The following GRIP1 variants were observed in gnomAD, a reference collection of about 807,000 sequenced individuals.
The protein encoded by GRIP1 is glutamate receptor interacting protein 1.
Under a neutral mutation model 129.9 loss-of-function variants are expected in GRIP1, and 45 were observed. The observed-to-expected ratio is 0.35, with a 90% CI of 0.27 to 0.44. The LOEUF (loss-of-function observed/expected upper bound fraction) is 0.44, where lower values mean the gene tolerates loss of function less well. GRIP1 is among the 20% of genes least tolerant of loss of function. GRIP1 has a pLI of 1.00. For synonymous variants in GRIP1, 530 were observed against 520.8 expected (o/e 1.02, Z -0.24); for missense variants, 1,196 against 1,396.8 (o/e 0.86, Z 2.29).
intron 1 of GRIP1, among the ~76,000 whole-genome samples, chr12:66,890,329 A>G (rs558477436): frequency 6.6e-6 from 1 of 152,304 alleles, no homozygotes; most frequent in Non-Finnish European, 1.5e-5. Flanking sequence ...TTGAACCACA[A>G]ACATATTTTA....
At chr12:66,786,944 C>T (rs1287808238) in intron 1 of GRIP1, among the ~76,000 whole-genome samples, 1 of 152,124 alleles carries the variant, frequency 6.6e-6, no homozygotes, top group Non-Finnish European at 1.5e-5. Flanking sequence ...CAGGTCTAAT[C>T]CTTTTGATAC....
chr12:66,583,080 C>G (rs967693454), intron 2 of GRIP1, among the ~76,000 whole-genome samples: 5 of 151,668 alleles, frequency 3.3e-5, no homozygotes, highest in African/African-American at 1.2e-4. Flanking sequence ...TGGAACAGAA[C>G]AGAGCCCTCA....
At chr12:66,529,615 A>C (rs2061376792) in intron 5 of GRIP1, among the ~76,000 whole-genome samples, 1 of 152,178 alleles carries the variant, frequency 6.6e-6, no homozygotes, top group Admixed American at 6.5e-5. Flanking sequence ...GAAAGATACA[A>C]GGGACTTTCA....
intron 1 of GRIP1, among the ~76,000 whole-genome samples, chr12:66,611,365 G>T (rs765878512): frequency 1.3e-5 from 2 of 152,082 alleles, no homozygotes; most frequent in African/African-American, 2.4e-5. Flanking sequence ...TGCCATTATT[G>T]TCAAATATCT....
At chr12:66,408,958 G>A (rs2057293820) in intron 15 of GRIP1, among the ~76,000 whole-genome samples, 1 of 152,048 alleles carries the variant, frequency 6.6e-6, no homozygotes, top group Non-Finnish European at 1.5e-5. Flanking sequence ...GGAAAGGATG[G>A]GAAGGACTTT....
chr12:66,430,344 A>G (rs768402399), intron 14 of GRIP1, among the ~76,000 whole-genome samples: 2 of 152,224 alleles, frequency 1.3e-5, no homozygotes, highest in Admixed American at 6.6e-5. Context: ...AGAACTGACA[A>G]GCATGTTTGA....
chr12:66,583,704 T>G (rs2063497650), intron 2 of GRIP1, among the ~76,000 whole-genome samples: 1 of 138,600 alleles, frequency 7.2e-6, no homozygotes, highest in Non-Finnish European at 1.6e-5. Context: ...AAAACCACAG[T>G]GATATACCAT....
Position 66,491,823 on chromosome 12 carries a change from C to T in GRIP1, c.724+23796G>A, listed in dbSNP as rs1233196959. On this transcript the variant is annotated intron_variant, in intron 7 of 24. Transcript: ENST00000359742. ...GCCACCAAGGCAAAAAATTATTTGC[C>T]CTACCTGTTAAAATGATTTAGTATA... 3.9e-5 allele frequency among the ~76,000 whole-genome samples: 6 copies of T among 152,188 alleles called. No individual in the cohort carries two copies. In the South Asian group the frequency reaches 1.0e-3, roughly 26 times the overall value.
At chr12:66,600,668 T>C (rs1365009799) in intron 1 of GRIP1, among the ~76,000 whole-genome samples, 1 of 152,226 alleles carries the variant, frequency 6.6e-6, no homozygotes, top group Non-Finnish European at 1.5e-5. Context: ...TATCTACATA[T>C]ATTTCCTTCC....
chr12:66,902,689 G>A (rs2040862138), intron 1 of GRIP1, among the ~76,000 whole-genome samples: 1 of 152,130 alleles, frequency 6.6e-6, no homozygotes, highest in Non-Finnish European at 1.5e-5. Flanking sequence ...GACTTAATAT[G>A]GGAAATAGTG....
At chr12:66,445,267 A>C (rs116882988) in intron 12 of GRIP1, 55 bp downstream of exon 12, 46,139 of 1,337,946 alleles carry the variant, frequency 0.034, 979 homozygotes, top group Non-Finnish European at 0.04. Flanking sequence ...ATTCAAAGAT[A>C]GCAGGTACCA....
chr12:66,536,033 C>CT (rs2061594644), intron 4 of GRIP1, among the ~76,000 whole-genome samples: 1 of 152,160 alleles, frequency 6.6e-6, no homozygotes, highest in South Asian at 2.1e-4. Flanking sequence ...ATACTCTGTC[C>CT]TTCCAGCTGC....
chr12:66,486,023 A>G (rs1042409980), intron 7 of GRIP1, among the ~76,000 whole-genome samples: 11 of 151,998 alleles, frequency 7.2e-5, no homozygotes, highest in Admixed American at 2.6e-4. Flanking sequence ...CAGCTTTTTA[A>G]TAGATCTTAA....
At chr12:66,749,455 C>CTGA (rs2037056727) in intron 1 of GRIP1, among the ~76,000 whole-genome samples, 1 of 152,186 alleles carries the variant, frequency 6.6e-6, no homozygotes, top group South Asian at 2.1e-4. Flanking sequence ...TATGAGCAAA[C>CTGA]TGATGAGGCT....
At chr12:66,667,611 C>T (rs377143803) in intron 1 of GRIP1, among the ~76,000 whole-genome samples, 2 of 152,174 alleles carry the variant, frequency 1.3e-5, no homozygotes, top group African/African-American at 4.8e-5. Flanking sequence ...TGGCAGACTT[C>T]ACCCAAGGCC....
chr12:66,395,675 G>A (rs563908294), intron 16 of GRIP1, among the ~76,000 whole-genome samples: 1 of 152,150 alleles, frequency 6.6e-6, no homozygotes, highest in African/African-American at 2.4e-5. Flanking sequence ...TCTACTCAAC[G>A]TATTTACTCC....
chr12:66,954,449 G>A (rs1020558192), intron 1 of GRIP1, among the ~76,000 whole-genome samples: 4 of 152,164 alleles, frequency 2.6e-5, no homozygotes, highest in Non-Finnish European at 4.4e-5. Context: ...TGAATGTCTG[G>A]TTGTGGCCAA....
chr12:66,407,013 A>T (rs1241263236), intron 15 of GRIP1, among the ~76,000 whole-genome samples: 1 of 152,208 alleles, frequency 6.6e-6, no homozygotes, highest in Non-Finnish European at 1.5e-5. Flanking sequence ...TGTTGAAAAA[A>T]ATTTTAAGGT....
chr12:66,738,302 C>G (rs1037006566), intron 1 of GRIP1, among the ~76,000 whole-genome samples: 1 of 151,832 alleles, frequency 6.6e-6, no homozygotes, highest in African/African-American at 2.4e-5. Flanking sequence ...TCACTGCAAG[C>G]TCCGCCTCTC....
Sources: allele counts gnomAD v4.1 joint callset (sites outside exome capture counted in the v4.1 genomes callset), GRCh38; gene constraint gnomAD v4.1.1; transcripts MANE v1.5; gene names NCBI Gene and HGNC (gene_info 2026-07-23, HGNC 2026-07-21).